The following VAV2 variants were observed in gnomAD, a reference collection of about 807,000 sequenced individuals.
The protein encoded by VAV2 is vav guanine nucleotide exchange factor 2.
VAV2 carries 67 observed loss-of-function variants against 132.5 expected under a neutral mutation model. The observed-to-expected ratio is 0.51, with a 90% CI of 0.42 to 0.62. The LOEUF (loss-of-function observed/expected upper bound fraction) is 0.62, where lower values mean the gene tolerates loss of function less well. Among genes scored for constraint, VAV2 ranks in the 20% least tolerant of loss-of-function variants. VAV2 has a pLI of 0.00. For synonymous variants in VAV2, 492 were observed against 443.5 expected (o/e 1.11, Z -1.37); for missense variants, 938 against 1,153.6 (o/e 0.81, Z 2.71).
At chr9:133,977,712 C>T (rs1405727750) in intron 1 of VAV2, among the ~76,000 whole-genome samples, 1 of 152,234 alleles carries the variant, frequency 6.6e-6, no homozygotes, top group African/African-American at 2.4e-5. Flanking sequence ...CCCCTCAACA[C>T]GCAGCCTGCA....
chr9:133,775,164 G>C, intron 24 of VAV2, 113 bp from the exon 25 acceptor site: 1 of 833,754 alleles, frequency 1.2e-6, no homozygotes, highest in Non-Finnish European at 1.9e-6. Flanking sequence ...CCTCATCTGA[G>C]AGCTCATCTC....
chr9:133,937,537 A>AGTGTGTGT (rs1554813274), intron 2 of VAV2, among the ~76,000 whole-genome samples: 1 of 99,836 alleles, frequency 1.0e-5, no homozygotes, highest in African/African-American at 2.9e-5. Flanking sequence ...AGTGTGTGTG[A>AGTGTGTGT]GAGTGTGTGT....
intron 1 of VAV2, among the ~76,000 whole-genome samples, chr9:133,958,053 G>A (rs1026519009): frequency 1.4e-5 from 2 of 142,646 alleles, no homozygotes; most frequent in African/African-American, 2.5e-5. Context: ...AGTACCCAGG[G>A]ACACAAACAC....
intron 2 of VAV2, among the ~76,000 whole-genome samples, chr9:133,905,531 C>A (rs1839619029): frequency 6.6e-6 from 1 of 152,120 alleles, no homozygotes; most frequent in Non-Finnish European, 1.5e-5. Context: ...CCCAACATGC[C>A]CATCCCTTCT....
intron 1 of VAV2, among the ~76,000 whole-genome samples, chr9:133,975,646 C>T (rs1463328465): frequency 2.0e-5 from 3 of 151,992 alleles, no homozygotes; most frequent in Non-Finnish European, 4.4e-5. Flanking sequence ...AGTCTCTGAG[C>T]CCCCAGCCTG....
At chr9:133,856,198 G>C (rs2131852797) in intron 3 of VAV2, among the ~76,000 whole-genome samples, 1 of 152,356 alleles carries the variant, frequency 6.6e-6, no homozygotes, top group Admixed American at 6.5e-5. Flanking sequence ...TGTTGTGAAA[G>C]CAGATAGAGG....
At chr9:133,832,571 T>C (rs970925650) in intron 4 of VAV2, among the ~76,000 whole-genome samples, 2 of 149,452 alleles carry the variant, frequency 1.3e-5, no homozygotes, top group Non-Finnish European at 2.9e-5. Context: ...TTTTTTTTTT[T>C]ACCCCAGACG....
At chr9:133,980,568 C>G (rs1007750311) in intron 1 of VAV2, among the ~76,000 whole-genome samples, 5 of 152,216 alleles carry the variant, frequency 3.3e-5, no homozygotes, top group Admixed American at 1.3e-4. Flanking sequence ...GGGGCATGGC[C>G]ACCTCTCTGG....
At chr9:133,843,261 G>T (rs1836797852) in intron 3 of VAV2, among the ~76,000 whole-genome samples, 1 of 152,324 alleles carries the variant, frequency 6.6e-6, no homozygotes, top group Non-Finnish European at 1.5e-5. Context: ...GGGGTGGCAG[G>T]GAGTCTGAAC....
chr9:133,895,367 C>T (rs533734791), intron 2 of VAV2, among the ~76,000 whole-genome samples: 89 of 152,228 alleles, frequency 5.8e-4, no homozygotes, highest in East Asian at 2.7e-3. Flanking sequence ...TTCTGCCGTG[C>T]GCATCTATAA....
intron 1 of VAV2, among the ~76,000 whole-genome samples, chr9:133,986,955 G>A (rs1356343317): frequency 1.3e-5 from 2 of 151,864 alleles, no homozygotes; most frequent in East Asian, 3.9e-4. Flanking sequence ...CCCTCCCCTT[G>A]GAGGCACAAA....
chr9:133,793,899 C>A (rs1260340748), intron 12 of VAV2, among the ~76,000 whole-genome samples: 2 of 152,106 alleles, frequency 1.3e-5, no homozygotes, highest in East Asian at 3.9e-4. Flanking sequence ...GAATGACTTC[C>A]TATATAAATT....
At chr9:133,881,669 A>T (rs1281706892) in intron 2 of VAV2, among the ~76,000 whole-genome samples, 1 of 152,176 alleles carries the variant, frequency 6.6e-6, no homozygotes, top group Non-Finnish European at 1.5e-5. Flanking sequence ...GGTGGCCTAC[A>T]AGTGGCCGGG....
chr9:133,900,396 A>G (rs1839394441), intron 2 of VAV2, among the ~76,000 whole-genome samples: 1 of 152,144 alleles, frequency 6.6e-6, no homozygotes, highest in South Asian at 2.1e-4. Flanking sequence ...TCTTCCCCCA[A>G]GCAGGTCTTA....
intron 3 of VAV2, among the ~76,000 whole-genome samples, chr9:133,854,000 G>A (rs1837285986): frequency 6.6e-6 from 1 of 152,126 alleles, no homozygotes; most frequent in Non-Finnish European, 1.5e-5. Context: ...GTGGGCACAT[G>A]AGCATATATA....
intron 4 of VAV2, among the ~76,000 whole-genome samples, chr9:133,817,782 GTAGTTTC>G (rs1253971461): frequency 6.6e-6 from 1 of 152,096 alleles, no homozygotes; most frequent in African/African-American, 2.4e-5. Flanking sequence ...CCACTTTTCA[GTAGTTTC>G]TATTTCCCTG....
At chr9:133,960,901 G>A (rs529110465) in intron 1 of VAV2, among the ~76,000 whole-genome samples, 70 of 152,358 alleles carry the variant, frequency 4.6e-4, no homozygotes, top group East Asian at 2.1e-3. Context: ...GCAGGAGGCC[G>A]TCATGGGAAG....
At chr9:133,811,699 C>G (rs1835363911) in intron 5 of VAV2, among the ~76,000 whole-genome samples, 1 of 152,222 alleles carries the variant, frequency 6.6e-6, no homozygotes, top group South Asian at 2.1e-4. Context: ...ATTCTCCACA[C>G]AAAGGGGGAA....
intron 2 of VAV2, among the ~76,000 whole-genome samples, chr9:133,933,371 G>T (rs2519817): frequency 0.81 from 123,681 of 152,286 alleles, 51,618 homozygotes; most frequent in East Asian, 0.93. Flanking sequence ...TACTAAATAC[G>T]TGGTAAATTA....
Sources: gnomAD v4.1 joint callset for allele counts (sites outside exome capture counted in the v4.1 genomes callset) on GRCh38, gnomAD v4.1.1 for gene constraint, MANE v1.5 for transcripts, NCBI Gene and HGNC (gene_info 2026-07-23, HGNC 2026-07-21) for gene names.